The following ZC3H7A variants were observed in gnomAD, a reference collection of about 807,000 sequenced individuals.
ZC3H7A encodes zinc finger CCCH domain-containing protein 7A.
Under a neutral mutation model 125.5 loss-of-function variants are expected in ZC3H7A, and 44 were observed. The observed-to-expected ratio is 0.35, with a 90% CI of 0.28 to 0.45. The LOEUF (loss-of-function observed/expected upper bound fraction) is 0.45, where lower values mean the gene tolerates loss of function less well. ZC3H7A is among the 20% of genes least tolerant of loss of function. The pLI is 1.00. For missense variants in ZC3H7A, 977 were observed against 1,170.7 expected (o/e 0.83, Z 2.41); for synonymous variants, 399 against 391.2 (o/e 1.02, Z -0.23).
At chr16:11,779,079 T>C in intron 4 of ZC3H7A, 87 bp downstream of exon 4, 1 of 1,174,370 alleles carries the variant, frequency 8.5e-7, no homozygotes, top group Non-Finnish European at 1.2e-6. Context: ...TCTTAAAAAC[T>C]TAAGAAATTG....
In ZC3H7A at chr16:11,765,177, T is replaced by C. The variant is rs2052833323; in HGVS notation, c.1720-24A>G. The C allele has an allele frequency of 1.4e-6, 2 of 1,390,994 alleles. No individual in the cohort carries two copies. The highest frequency in any genetic ancestry group is 2.5e-5 in the East Asian group (1 of 40,412). The allele number at this position is 1,390,994 out of a possible 1,614,324, so 86.2% of individuals were successfully genotyped here. Reference sequence around the variant, plus strand: ...TTCTGGAATAGAGAGAGAAAGATTATCAAAAAAAATACAAAATATAAATTT... The same window carrying C: ...TTCTGGAATAGAGAGAGAAAGATTACCAAAAAAAATACAAAATATAAATTT... On this transcript the variant is annotated intron_variant, in intron 14 of 22. Transcript: ENST00000355758. The surrounding 1 kb of genome is among the most constrained non-coding windows in gnomAD (Gnocchi z 4.8).
rs188821889 is a variant in ZC3H7A at position 11,772,830 on chromosome 16, G to C, written c.903+1406C>G. On this transcript the variant is annotated intron_variant, in intron 9 of 22. Transcript: ENST00000355758. Reference sequence around the variant, plus strand: ...TCTTGCCTCAGCCACCCAAGTAGCTGCGATTACAGATATGCACCACCATGC... The same window carrying C: ...TCTTGCCTCAGCCACCCAAGTAGCTCCGATTACAGATATGCACCACCATGC... Among the ~76,000 whole-genome samples, 536 of 151,676 alleles carry C rather than the reference G, an allele frequency of 3.5e-3. 8 individuals carry two copies. Among genetic ancestry groups the C allele is most frequent in the Non-Finnish European group, 3.6e-3 (244 of 68,014 alleles).
rs146713778 is a variant in ZC3H7A, at chr16:11,779,300, C to T, written c.172G>A (p.Asp58Asn). ...TACTGGCTTATCGAGTTGTTCCAAT[C>T]ATGTTCCCGATAAACGTCATTTCCT... is the stretch of plus-strand genomic sequence containing the variant. ...NEGNDVYREH[D>N]WNNSISQYTE... The change falls in exon 4 of 23, where the codon GAT becomes AAT. Residue 58 changes from aspartate (D) to asparagine (N), a missense_variant. Transcript: ENST00000355758. 197 of 1,614,058 alleles carry T rather than the reference C, an allele frequency of 1.2e-4. 1 individual carries two copies. The highest frequency in any genetic ancestry group is 9.9e-4 in the Middle Eastern group (6 of 6,062).
intron 1 of ZC3H7A, among the ~76,000 whole-genome samples, chr16:11,793,480 C>T (rs1294162619): frequency 6.7e-6 from 1 of 149,422 alleles, no homozygotes; most frequent in Non-Finnish European, 1.5e-5. Context: ...TCACAGCAAA[C>T]TATGACTATG....
chr16:11,771,126 GCCTGTAAT>G, intron 9 of ZC3H7A, 139 bp from the exon 10 acceptor site: 1 of 864,302 alleles, frequency 1.2e-6, no homozygotes, highest in Non-Finnish European at 1.7e-6. Context: ...AGGCATGGTG[GCCTGTAAT>G]CCTAACACTT....
chr16:11,772,178 G>A (rs1394472333), intron 9 of ZC3H7A, among the ~76,000 whole-genome samples: 1 of 149,012 alleles, frequency 6.7e-6, no homozygotes, highest in African/African-American at 2.5e-5. Flanking sequence ...CTGGGCGACA[G>A]AGTGAGACTC....
Position 11,765,170 on chromosome 16 carries a change from A to T in ZC3H7A, c.1720-17T>A. 7.0e-7 allele frequency: 1 copy of T among 1,427,824 alleles called. No individual in the cohort carries two copies. The highest frequency in any genetic ancestry group is 9.5e-7 in the Non-Finnish European group (1 of 1,054,284). 88.4% of individuals were successfully genotyped at this position (1,427,824 alleles called of 1,614,324 possible). On this transcript the variant is annotated splice_polypyrimidine_tract_variant and intron_variant, in intron 14 of 22. Transcript: ENST00000355758. This position sits in a 1 kb window ranked among gnomAD's most constrained non-coding sequence, Gnocchi z 4.8. The stretch of plus-strand genomic sequence containing the variant: ...AAAACATTTCTGGAATAGAGAGAGA[A>T]AGATTATCAAAAAAAATACAAAATA...
intron 12 of ZC3H7A, among the ~76,000 whole-genome samples, chr16:11,767,875 G>A (rs186236424): frequency 3.3e-5 from 5 of 152,278 alleles, no homozygotes; most frequent in African/African-American, 1.2e-4. Context: ...AGAATAAACT[G>A]TGTTTATGTC....
intron 1 of ZC3H7A, 155 bp downstream of exon 1, chr16:11,796,969 G>C (rs1476413115): frequency 6.8e-6 from 1 of 148,064 alleles, no homozygotes; most frequent in Non-Finnish European, 1.5e-5. Context: ...GGGTCCTCTC[G>C]GGTCCGCGGG....
chr16:11,788,917 A>T (rs2053304241), intron 1 of ZC3H7A, among the ~76,000 whole-genome samples: 1 of 151,880 alleles, frequency 6.6e-6, no homozygotes, highest in Non-Finnish European at 1.5e-5. Flanking sequence ...CGGCCTCACA[A>T]AGATATTCTA....
chr16:11,752,488 T>G (rs1201137267), intron 22 of ZC3H7A, among the ~76,000 whole-genome samples, 181 bp downstream of exon 22: 2 of 151,806 alleles, frequency 1.3e-5, no homozygotes, highest in African/African-American at 4.8e-5. Flanking sequence ...CTAAGAAGAG[T>G]GAAAGGAATG....
chr16:11,795,559 C>G (rs1168216860), intron 1 of ZC3H7A, among the ~76,000 whole-genome samples: 1 of 152,114 alleles, frequency 6.6e-6, no homozygotes, highest in Non-Finnish European at 1.5e-5. Flanking sequence ...CCTCAGCCTC[C>G]CCAGTAGCTG....
At position 11,789,579 on chromosome 16, in the gene ZC3H7A, C is replaced by T. The variant is rs376884247; in HGVS notation, c.-34-7191G>A. Among the ~76,000 whole-genome samples the T allele has an allele frequency of 1.2e-3, 189 of 152,176 alleles. 2 individuals carry two copies. The highest frequency in any genetic ancestry group is 4.4e-3 in the African/African-American group (183 of 41,552). On this transcript the variant is annotated intron_variant, in intron 1 of 22. Transcript: ENST00000355758. ...GTGCATATGTTCTTTTTTATTCAAA[C>T]TGGAGCTACCAGTGAGTTCTGTACC...
Position 11,781,406 on chromosome 16 carries a change from A to C in ZC3H7A, c.108+19T>G, listed in dbSNP as rs2053170908. ...AGCCACTTGCAGAGCTTTCAAGCAG[A>C]CCTTCCCGGAGTCATTACCGCATAT... is the stretch of plus-strand genomic sequence containing the variant. On this transcript the variant is annotated intron_variant, in intron 3 of 22. Coordinates refer to ENST00000355758, the MANE Select transcript of ZC3H7A (RefSeq NM_014153.4). The C allele has an allele frequency of 6.3e-7, 1 of 1,595,152 alleles. No individual in the cohort carries two copies. The highest frequency in any genetic ancestry group is 8.6e-7 in the Non-Finnish European group (1 of 1,167,290).
rs182811929 is a variant in ZC3H7A at position 11,794,754 on chromosome 16, C to A, written c.-35+2370G>T. On this transcript the variant is annotated intron_variant, in intron 1 of 22. Transcript: ENST00000355758. ...GAGTTGAGAGTTTCTATAATTGATTCTCTTCCACTTACAATGACAATTTAA... is the reference window on the plus strand; with the variant it reads ...GAGTTGAGAGTTTCTATAATTGATTATCTTCCACTTACAATGACAATTTAA... 3.9e-5 allele frequency among the ~76,000 whole-genome samples: 6 copies of A among 152,334 alleles called. No individual in the cohort carries two copies. The East Asian group carries it at 1.2e-3, about 29-fold the overall frequency.
intron 9 of ZC3H7A, among the ~76,000 whole-genome samples, chr16:11,772,731 C>CTG: frequency 6.7e-6 from 1 of 148,658 alleles, no homozygotes; most frequent in Non-Finnish European, 1.5e-5. Flanking sequence ...GAGTATTGAT[C>CTG]TGTCACCCAG....
intron 18 of ZC3H7A, 162 bp downstream of exon 18, chr16:11,761,748 A>G: frequency 1.0e-6 from 1 of 1,003,144 alleles, no homozygotes; most frequent in East Asian, 2.6e-5. Context: ...ATTCTTATCT[A>G]CTAGGTCCTA....
chr16:11,767,307 G>T (rs538323321), intron 13 of ZC3H7A, 110 bp downstream of exon 13: 2 of 958,480 alleles, frequency 2.1e-6, no homozygotes, highest in Non-Finnish European at 1.5e-6. Context: ...AGTACTCTGT[G>T]ATGTTCCCCT....
intron 13 of ZC3H7A, among the ~76,000 whole-genome samples, chr16:11,766,018 G>T (rs918066524): frequency 6.6e-6 from 1 of 151,614 alleles, no homozygotes; most frequent in East Asian, 1.9e-4. Context: ...CTCTAAAAAA[G>T]AGAAGTACCA....
Sources: allele counts gnomAD v4.1 joint callset (sites outside exome capture counted in the v4.1 genomes callset), GRCh38; gene constraint gnomAD v4.1.1; non-coding constraint Gnocchi (gnomAD v3.1); transcripts MANE v1.5; gene names NCBI Gene and HGNC (gene_info 2026-07-23, HGNC 2026-07-21).